ARSK: variants seen among roughly 807,000 people sequenced by gnomAD.
ARSK encodes arylsulfatase family member K, also known as arylsulfatase K.
Under a neutral mutation model 53.2 loss-of-function variants are expected in ARSK, and 37 were observed. The observed-to-expected ratio is 0.70, with a 90% CI of 0.54 to 0.92. The LOEUF (loss-of-function observed/expected upper bound fraction) is 0.92. Ranked by LOEUF, ARSK falls within the 40% of genes least tolerant of loss-of-function variation. ARSK has a pLI of 0.00. For missense variants in ARSK, 613 were observed against 643.0 expected, an observed-to-expected ratio of 0.95 and a Z score of 0.51; for synonymous variants, 208 against 223.2, an observed-to-expected ratio of 0.93 and a Z score of 0.61.
rs58937956 is a variant in ARSK at position 95,591,928 on chromosome 5, A to T, written c.1096+303A>T. Among the ~76,000 whole-genome samples the T allele has an allele frequency of 8.4e-3, 1,286 of 152,350 alleles. 13 individuals are homozygous for T. Among genetic ancestry groups the T allele is most frequent in the African/African-American group, 0.029 (1,222 of 41,582 alleles). ...ATAACCTTATAGATATGATTTGTAC[A>T]TCATTTGATTGTCTACCACCACCTC... On this transcript the variant is annotated intron_variant, in intron 6 of 7. Coordinates refer to ENST00000380009, the MANE Select transcript of ARSK (RefSeq NM_198150.3).
At position 95,601,071 on chromosome 5, in the gene ARSK, G is replaced by C. The variant is rs200763153; in HGVS notation, c.1321G>C (p.Asp441His). The C allele has an allele frequency of 3.8e-4, 615 of 1,609,214 alleles. No individual in the cohort carries two copies. The highest frequency in any genetic ancestry group is 4.8e-4 in the Non-Finnish European group (570 of 1,175,796). The change falls in exon 7 of 8, where the codon GAT (aspartate) becomes CAT (histidine). Residue 441 changes from aspartate to histidine, a missense_variant and splice_region_variant. By Grantham distance (81) the Asp-to-His change is moderately conservative (BLOSUM62 -1). Transcript: ENST00000380009. ...DGASILPQLF[D>H]LSSDPDELTN... ...TGCATCAATATTGCCTCAACTCTTT[G>C]GTAAGTTTGTTAATATATTTTTAAG...
chr5:95,592,815 G>A (rs1186086854), intron 6 of ARSK, among the ~76,000 whole-genome samples: 1 of 152,162 alleles, frequency 6.6e-6, no homozygotes, highest in African/African-American at 2.4e-5. Flanking sequence ...CCAAAGTGCT[G>A]GGATTACAGG....
chr5:95,580,603 G>A (rs1354273545), intron 3 of ARSK, among the ~76,000 whole-genome samples: 1 of 152,180 alleles, frequency 6.6e-6, no homozygotes, highest in African/African-American at 2.4e-5. Context: ...GCCGGAAAGA[G>A]GGACTTTCTG....
chr5:95,568,931 A>C (rs1419225235), intron 3 of ARSK, among the ~76,000 whole-genome samples: 1 of 152,226 alleles, frequency 6.6e-6, no homozygotes, highest in Non-Finnish European at 1.5e-5. Flanking sequence ...AATGAGCAGA[A>C]ACAACACTTC....
At chr5:95,600,511 C>A in intron 6 of ARSK, 1 of 412,564 alleles carries the variant, frequency 2.4e-6, no homozygotes, top group South Asian at 2.0e-5. Context: ...TTGTTGAAGG[C>A]TCCTATCTGC....
At position 95,586,819 on chromosome 5, in the gene ARSK, T is replaced by A. The variant is rs984228021; in HGVS notation, c.871+86T>A. On this transcript the variant is annotated intron_variant, in intron 5 of 7. Transcript: ENST00000380009. ...CTGTAATCATGCTGCTTGGTGACTT[T>A]CTTACAAAGTTGCTTATAACTATAG... 7.6e-6 allele frequency: 9 copies of A among 1,179,280 alleles called. No homozygotes were observed. The African/African-American group carries it at 1.8e-4, about 23-fold the overall frequency. The allele number at this position is 1,179,280 out of a possible 1,614,324, so 73.1% of individuals were successfully genotyped here. A position where few individuals can be genotyped will look rare whatever the true frequency, so the allele number is the denominator to read the frequency against.
chr5:95,567,619 G>T (rs80005196), intron 2 of ARSK, among the ~76,000 whole-genome samples: 1 of 152,252 alleles, frequency 6.6e-6, no homozygotes, highest in East Asian at 1.9e-4. Flanking sequence ...CACATGCTTT[G>T]TATTTAATTC....
chr5:95,595,886 T>C (rs1749300618), intron 6 of ARSK, among the ~76,000 whole-genome samples: 1 of 152,232 alleles, frequency 6.6e-6, no homozygotes, highest in Non-Finnish European at 1.5e-5. Flanking sequence ...ATTGCCCCCA[T>C]GTATTAAAAA....
At chr5:95,589,201 T>G (rs2112439381) in intron 5 of ARSK, among the ~76,000 whole-genome samples, 1 of 152,332 alleles carries the variant, frequency 6.6e-6, no homozygotes, top group East Asian at 1.9e-4. Flanking sequence ...GTTGTTTACA[T>G]AGTAATACTA....
intron 2 of ARSK, among the ~76,000 whole-genome samples, chr5:95,566,373 G>A (rs540928104): frequency 7.2e-5 from 11 of 152,200 alleles, no homozygotes; most frequent in Admixed American, 7.2e-4. Flanking sequence ...TTATTTCCTT[G>A]TGACTGGGGA....
intron 1 of ARSK, among the ~76,000 whole-genome samples, chr5:95,561,923 A>T (rs1398926659): frequency 6.6e-6 from 1 of 152,224 alleles, no homozygotes; most frequent in Non-Finnish European, 1.5e-5. Context: ...TTTTAAAAGA[A>T]CAGAAAACAG....
chr5:95,589,333 T>C (rs1749174299), intron 5 of ARSK, among the ~76,000 whole-genome samples: 1 of 152,244 alleles, frequency 6.6e-6, no homozygotes, highest in South Asian at 2.1e-4. Context: ...GTTTGTTACA[T>C]AGGTAAACGT....
chr5:95,594,221 T>C (rs1749264292), intron 6 of ARSK, among the ~76,000 whole-genome samples: 1 of 152,136 alleles, frequency 6.6e-6, no homozygotes, highest in Non-Finnish European at 1.5e-5. Flanking sequence ...GTGATAATGG[T>C]AGAAAGAGAA....
chr5:95,565,218 T>G (rs943261854), intron 1 of ARSK, among the ~76,000 whole-genome samples: 16 of 152,140 alleles, frequency 1.1e-4, no homozygotes, highest in Non-Finnish European at 4.4e-5. Flanking sequence ...AACCCAAACA[T>G]CTCCTAATCT....
intron 3 of ARSK, among the ~76,000 whole-genome samples, chr5:95,570,643 A>G (rs1348575794): frequency 6.6e-6 from 1 of 152,242 alleles, no homozygotes; most frequent in East Asian, 1.9e-4. Context: ...ATATGAGTTA[A>G]AAGATACTAT....
At position 95,565,724 on chromosome 5, in the gene ARSK, A is replaced by G. The variant is rs558218985; in HGVS notation, c.127-274A>G. Among the ~76,000 whole-genome samples, 53 of 152,312 alleles carry G rather than the reference A, an allele frequency of 3.5e-4. 1 individual carries two copies. In the South Asian group the frequency reaches 5.4e-3, roughly 15 times the overall value. ...TGTCTGGCACATAGTTAAGTATTCA[A>G]TAAATACTTAGTCAGTTCATCATCC... On this transcript the variant is annotated intron_variant, in intron 1 of 7. Transcript: ENST00000380009.
chr5:95,567,793 G>T, intron 2 of ARSK, 97 bp from the exon 3 acceptor site: 1 of 1,221,492 alleles, frequency 8.2e-7, no homozygotes, highest in Non-Finnish European at 1.1e-6. Context: ...CAGAGCATAA[G>T]CTCTTCACTA....
chr5:95,567,499 A>G (rs1748744117), intron 2 of ARSK, among the ~76,000 whole-genome samples: 1 of 152,218 alleles, frequency 6.6e-6, no homozygotes, highest in Non-Finnish European at 1.5e-5. Context: ...ATAAGGGAAG[A>G]TCCTTAAGGA....
chr5:95,591,523 G>A lies in ARSK; in HGVS notation c.994G>A (p.Ala332Thr). ...RQFYKMSMYE[A>T]SAHVPLLMMG... ...GTTTTATAAAATGAGCATGTACGAG[G>A]CTAGTGCACATGTTCCGCTTTTGAT... is the stretch of plus-strand genomic sequence containing the variant. Residue 332 changes from alanine (A) to threonine (T), a missense_variant, in exon 6 of 8, where the codon GCT (alanine) becomes ACT (threonine). Ala to Thr is a moderately conservative substitution (Grantham distance 58). Transcript: ENST00000380009. 1 of 1,614,150 alleles carries A rather than the reference G, an allele frequency of 6.2e-7. No homozygotes were observed. The highest frequency in any genetic ancestry group is 8.5e-7 in the Non-Finnish European group (1 of 1,180,016).
Sources: gnomAD v4.1 joint callset for allele counts (sites outside exome capture counted in the v4.1 genomes callset) on GRCh38, gnomAD v4.1.1 for gene constraint, MANE v1.5 for transcripts, NCBI Gene and HGNC (gene_info 2026-07-23, HGNC 2026-07-21) for gene names.